BMERB1: variants seen among roughly 807,000 people sequenced by gnomAD.
BMERB1 encodes the protein bMERB domain-containing protein 1.
A neutral mutation model predicts 23.6 loss-of-function variants in BMERB1; 12 were observed. That is an observed-to-expected ratio of 0.51 (90% CI 0.33 to 0.82). The LOEUF (loss-of-function observed/expected upper bound fraction) is 0.82, where lower values mean the gene tolerates loss of function less well. Among genes scored for constraint, BMERB1 ranks in the 40% least tolerant of loss-of-function variants. The pLI is 0.03. For missense variants in BMERB1, 247 were observed against 255.4 expected (o/e 0.97, Z 0.22); for synonymous variants, 122 against 96.6 (o/e 1.26, Z -1.54).
At chr16:15,457,554 G>A (rs1387092047) in intron 1 of BMERB1, among the ~76,000 whole-genome samples, 2 of 152,104 alleles carry the variant, frequency 1.3e-5, no homozygotes, top group Non-Finnish European at 2.9e-5. Flanking sequence ...TAACCATGCA[G>A]CAGTCTGTGT....
At chr16:15,516,962 C>T (rs1362965001) in intron 2 of BMERB1, among the ~76,000 whole-genome samples, 1 of 152,162 alleles carries the variant, frequency 6.6e-6, no homozygotes, top group African/African-American at 2.4e-5. Context: ...CTCACTGGGA[C>T]GTTATATGAC....
Position 15,471,596 on chromosome 16 carries a change from C to T in BMERB1, c.106+36837C>T, listed in dbSNP as rs974439640. Among the ~76,000 whole-genome samples, 15 of 151,810 alleles carry T rather than the reference C, an allele frequency of 9.9e-5. No individual in the cohort carries two copies. In the South Asian group the frequency reaches 2.3e-3, roughly 23 times the overall value. Reference sequence around the variant, plus strand: ...CATTTCTGATATTAGTGCTTTGTGTCCTCTCTCTCACTCTCTCTCTCTGTC... The same window carrying T: ...CATTTCTGATATTAGTGCTTTGTGTTCTCTCTCTCACTCTCTCTCTCTGTC... On this transcript the variant is annotated intron_variant, in intron 1 of 5. Coordinates refer to ENST00000300006, the MANE Select transcript of BMERB1 (RefSeq NM_033201.3).
chr16:15,585,432 A>C (rs919307076), intron 5 of BMERB1, among the ~76,000 whole-genome samples: 1 of 152,242 alleles, frequency 6.6e-6, no homozygotes, highest in African/African-American at 2.4e-5. Flanking sequence ...GGATCCTAGC[A>C]GATTTAGCAA....
At chr16:15,534,760 C>G (rs2052010063) in intron 2 of BMERB1, among the ~76,000 whole-genome samples, 1 of 152,108 alleles carries the variant, frequency 6.6e-6, no homozygotes, top group African/African-American at 2.4e-5. Context: ...TCTCCTTTAT[C>G]TCAGCTCCCT....
chr16:15,479,019 C>T (rs2150934503), intron 1 of BMERB1, among the ~76,000 whole-genome samples: 1 of 152,294 alleles, frequency 6.6e-6, no homozygotes, highest in African/African-American at 2.4e-5. Context: ...CGTAGAACAT[C>T]ATTGAAAGAA....
chr16:15,444,296 A>G (rs921893699), intron 1 of BMERB1, among the ~76,000 whole-genome samples: 2 of 151,646 alleles, frequency 1.3e-5, no homozygotes, highest in East Asian at 1.9e-4. Flanking sequence ...GATAGAATCA[A>G]TTCATTTCTT....
At chr16:15,467,096 A>G (rs1466850384) in intron 1 of BMERB1, among the ~76,000 whole-genome samples, 1 of 152,152 alleles carries the variant, frequency 6.6e-6, no homozygotes, top group East Asian at 1.9e-4. Context: ...TTACCCATTG[A>G]AGGACATCTG....
intron 4 of BMERB1, 93 bp downstream of exon 4, chr16:15,581,424 C>T (rs2031012614): frequency 9.8e-7 from 1 of 1,022,828 alleles, no homozygotes; most frequent in Middle Eastern, 3.0e-4. Context: ...GGACTCACAG[C>T]CTTGCCTAAC....
At chr16:15,530,083 C>T (rs73499139) in intron 2 of BMERB1, among the ~76,000 whole-genome samples, 7,109 of 152,236 alleles carry the variant, frequency 0.047, 532 homozygotes, top group African/African-American at 0.15. Context: ...CCTCCTCCAT[C>T]TCCGAAGCCA....
intron 1 of BMERB1, chr16:15,502,419 G>C: frequency 6.7e-7 from 1 of 1,484,600 alleles, no homozygotes; most frequent in Non-Finnish European, 9.2e-7. Context: ...TCTCCACGAG[G>C]CAGGCTGGGA....
intron 5 of BMERB1, among the ~76,000 whole-genome samples, chr16:15,586,205 A>T (rs367787982): frequency 1.3e-5 from 2 of 152,176 alleles, no homozygotes; most frequent in Non-Finnish European, 2.9e-5. Context: ...GAGAAATATG[A>T]AAGAGAAGTT....
chr16:15,552,250 G>A (rs1334325927), intron 2 of BMERB1, among the ~76,000 whole-genome samples: 2 of 151,964 alleles, frequency 1.3e-5, no homozygotes, highest in South Asian at 2.1e-4. Context: ...GACCAGCCTC[G>A]TCAACATGGT....
At chr16:15,437,203 A>G (rs2050895816) in intron 1 of BMERB1, among the ~76,000 whole-genome samples, 1 of 152,118 alleles carries the variant, frequency 6.6e-6, no homozygotes, top group Admixed American at 6.6e-5. Flanking sequence ...TGCTCTCTGA[A>G]GCTCACAGAG....
intron 1 of BMERB1, among the ~76,000 whole-genome samples, chr16:15,442,855 C>T (rs1449648060): frequency 6.6e-6 from 1 of 152,112 alleles, no homozygotes; most frequent in East Asian, 1.9e-4. Flanking sequence ...ATTCTTGGTT[C>T]AGTGCTGGGT....
At chr16:15,434,941 G>T (rs974146790) in intron 1 of BMERB1, among the ~76,000 whole-genome samples, 182 bp downstream of exon 1, 10 of 152,214 alleles carry the variant, frequency 6.6e-5, no homozygotes, top group Non-Finnish European at 1.5e-4. Context: ...GCGAACAAAA[G>T]GGGGGGACCC....
chr16:15,586,726 C>A lies in BMERB1; in HGVS notation c.512C>A (p.Ala171Glu), dbSNP rs142995376. 15 of 1,610,126 alleles carry A rather than the reference C, an allele frequency of 9.3e-6. No individual in the cohort carries two copies. The South Asian group carries it at 1.7e-4, about 18-fold the overall frequency. ...KVTKSPASSR[A>E]EKKAEPPPSK... ...CCACATCTTGCTGCAGGCTCCCGGG[C>A]AGAGAAGAAAGCAGAGCCCCCACCT... Residue 171 changes from alanine to glutamate, a missense_variant, in exon 6 of 6, where the codon GCA becomes GAA. Ala to Glu is a moderately radical substitution (Grantham distance 107). Coordinates refer to ENST00000300006, the MANE Select transcript of BMERB1 (RefSeq NM_033201.3).
At chr16:15,557,298 T>G (rs1445621187) in intron 2 of BMERB1, among the ~76,000 whole-genome samples, 1 of 152,156 alleles carries the variant, frequency 6.6e-6, no homozygotes, top group Non-Finnish European at 1.5e-5. Context: ...CAGCAGAGTT[T>G]GATTTCCAGG....
chr16:15,477,467 CA>C, intron 1 of BMERB1, among the ~76,000 whole-genome samples: 1 of 152,150 alleles, frequency 6.6e-6, no homozygotes, highest in African/African-American at 2.4e-5. Flanking sequence ...TCCTGCTCTA[CA>C]AAAAATACAA....
intron 2 of BMERB1, among the ~76,000 whole-genome samples, chr16:15,552,523 C>T (rs980200337): frequency 6.6e-6 from 1 of 152,146 alleles, no homozygotes; most frequent in Admixed American, 6.5e-5. Flanking sequence ...GTGCAGAGGG[C>T]TAAGTGCGGT....
Sources: allele counts gnomAD v4.1 joint callset (sites outside exome capture counted in the v4.1 genomes callset), GRCh38; gene constraint gnomAD v4.1.1; transcripts MANE v1.5; gene names NCBI Gene and HGNC (gene_info 2026-07-23, HGNC 2026-07-21).